LINGO2: variants seen among roughly 807,000 people sequenced by gnomAD.
LINGO2 encodes the protein leucine-rich repeat and immunoglobulin-like domain-containing nogo receptor-interacting protein 2.
Under a neutral mutation model 30.6 loss-of-function variants are expected in LINGO2, and 14 were observed. That is an observed-to-expected ratio of 0.46 (90% confidence interval 0.30 to 0.72). The LOEUF is 0.72. LINGO2 is among the 30% of genes least tolerant of loss of function. The pLI, the probability that LINGO2 is intolerant of heterozygous loss-of-function variation, is 0.07. For missense variants in LINGO2, 729 were observed against 751.7 expected (o/e 0.97, Z 0.35); for synonymous variants, 317 against 288.5 (o/e 1.10, Z -1.00).
chr9:28,011,349 A>G (rs2119249469), intron 5 of LINGO2, among the ~76,000 whole-genome samples: 1 of 152,302 alleles, frequency 6.6e-6, no homozygotes, highest in African/African-American at 2.4e-5. Context: ...GGAGAAAAGG[A>G]ATCAAATACT....
chr9:28,521,208 G>A (rs1417834269), intron 1 of LINGO2, among the ~76,000 whole-genome samples: 1 of 152,090 alleles, frequency 6.6e-6, no homozygotes, highest in African/African-American at 2.4e-5. Flanking sequence ...GATATTCAAA[G>A]CAAGATAAAA....
intron 3 of LINGO2, among the ~76,000 whole-genome samples, chr9:28,321,793 A>T (rs1825052607): frequency 6.6e-6 from 1 of 152,134 alleles, no homozygotes; most frequent in Admixed American, 6.5e-5. Context: ...CTGGGTTGGG[A>T]CAAGGTCAGG....
chr9:28,025,945 C>CA (rs1221571296), intron 4 of LINGO2, among the ~76,000 whole-genome samples: 2 of 152,178 alleles, frequency 1.3e-5, no homozygotes, highest in African/African-American at 2.4e-5. Flanking sequence ...CAAATTCCTT[C>CA]AGTGGCTTTC....
intron 4 of LINGO2, among the ~76,000 whole-genome samples, chr9:28,108,678 T>A (rs1826671979): frequency 6.6e-6 from 1 of 152,100 alleles, no homozygotes; most frequent in Admixed American, 6.6e-5. Context: ...CCTGGAACTA[T>A]TAGTTCCTGG....
intron 4 of LINGO2, among the ~76,000 whole-genome samples, chr9:28,281,579 T>G (rs911688799): frequency 6.6e-6 from 1 of 152,072 alleles, no homozygotes; most frequent in African/African-American, 2.4e-5. Flanking sequence ...AGTCACTGTT[T>G]TAGGAATGAA....
chr9:28,185,438 T>TA lies in LINGO2; in HGVS notation c.-87+109769dup, dbSNP rs553782748. Among the ~76,000 whole-genome samples, 617 of 148,598 alleles carry TA rather than the reference T, an allele frequency of 4.2e-3. 2 individuals carry two copies. Among genetic ancestry groups the TA allele is most frequent in the Non-Finnish European group, 6.8e-3 (454 of 66,796 alleles). On this transcript the variant is annotated intron_variant, in intron 4 of 5. Coordinates refer to ENST00000379992, the Ensembl canonical transcript of LINGO2. The stretch of plus-strand genomic sequence containing the variant: ...TAACCCATGATTAACAGGTAAATGG[T>TA]AAAAAAAAAACTTTAGAAAATGTGG...
the LINGO2 span, among the ~76,000 whole-genome samples, chr9:28,785,312 C>T: frequency 6.6e-6 from 1 of 152,092 alleles, no homozygotes; most frequent in African/African-American, 2.4e-5. Flanking sequence ...AGGCATATGC[C>T]TATCCTGCAG....
intron 4 of LINGO2, among the ~76,000 whole-genome samples, chr9:28,224,286 G>C (rs1456712051): frequency 6.6e-6 from 1 of 152,112 alleles, no homozygotes. Context: ...GGATGGTCTC[G>C]ATCTCCTGAC....
At chr9:28,455,614 C>T (rs769567562) in intron 2 of LINGO2, among the ~76,000 whole-genome samples, 6 of 152,050 alleles carry the variant, frequency 3.9e-5, no homozygotes, top group Non-Finnish European at 7.4e-5. Context: ...ACATGAAGAG[C>T]AATGTATTTA....
At chr9:28,781,709 TGCAA>T in the LINGO2 span, among the ~76,000 whole-genome samples, 11 of 152,036 alleles carry the variant, frequency 7.2e-5, no homozygotes, top group Non-Finnish European at 2.9e-5. Context: ...GTAAGAGATC[TGCAA>T]ACAAAAGTAG....
intron 1 of LINGO2, among the ~76,000 whole-genome samples, chr9:28,576,699 A>C (rs893101737): frequency 6.6e-6 from 1 of 152,122 alleles, no homozygotes; most frequent in Non-Finnish European, 1.5e-5. Context: ...AATACTTCAT[A>C]GTAGATATTG....
At chr9:28,651,550 G>C (rs1454191933) in intron 1 of LINGO2, among the ~76,000 whole-genome samples, 1 of 152,062 alleles carries the variant, frequency 6.6e-6, no homozygotes, top group Non-Finnish European at 1.5e-5. Flanking sequence ...CTAAGGGCTT[G>C]ATCTAACTCA....
intron 4 of LINGO2, among the ~76,000 whole-genome samples, chr9:28,108,119 T>C (rs1826653234): frequency 6.6e-6 from 1 of 152,138 alleles, no homozygotes; most frequent in African/African-American, 2.4e-5. Context: ...GTCTTAGAGC[T>C]TTCCCTGAAT....
the LINGO2 span, among the ~76,000 whole-genome samples, chr9:28,968,091 A>G: frequency 6.6e-6 from 1 of 152,226 alleles, no homozygotes; most frequent in Non-Finnish European, 1.5e-5. Flanking sequence ...TCTGAACTTT[A>G]TAATGGACTA....
the LINGO2 span, among the ~76,000 whole-genome samples, chr9:28,985,240 T>C: frequency 2.0e-5 from 3 of 152,172 alleles, no homozygotes; most frequent in Non-Finnish European, 4.4e-5. Context: ...TGTGTATATA[T>C]GTACCACAGA....
the LINGO2 span, among the ~76,000 whole-genome samples, chr9:29,125,797 A>G: frequency 6.6e-6 from 1 of 152,130 alleles, no homozygotes; most frequent in Non-Finnish European, 1.5e-5. Context: ...CATGCTCATG[A>G]ACATATGGTT....
At chr9:28,325,773 A>T (rs7861858) in intron 3 of LINGO2, among the ~76,000 whole-genome samples, 5 of 152,076 alleles carry the variant, frequency 3.3e-5, no homozygotes, top group Admixed American at 2.0e-4. Context: ...ATGCCTTTAT[A>T]GGCAGTGTGA....
chr9:28,476,476 C>T (rs1478403080), intron 1 of LINGO2, among the ~76,000 whole-genome samples: 4 of 152,068 alleles, frequency 2.6e-5, no homozygotes, highest in East Asian at 1.9e-4. Flanking sequence ...GGGGTTTCAC[C>T]GTGTTAGCCA....
At chr9:28,290,965 G>C (rs1466586261) in intron 4 of LINGO2, among the ~76,000 whole-genome samples, 2 of 152,078 alleles carry the variant, frequency 1.3e-5, no homozygotes, top group Non-Finnish European at 2.9e-5. Context: ...GATGAGAATG[G>C]TGTATATAAG....
Sources: gnomAD v4.1 joint callset for allele counts (sites outside exome capture counted in the v4.1 genomes callset) on GRCh38, gnomAD v4.1.1 for gene constraint, MANE v1.5 for transcripts, NCBI Gene and HGNC (gene_info 2026-07-23, HGNC 2026-07-21) for gene names.